ASIC2: variants seen among roughly 807,000 people sequenced by gnomAD.
The protein encoded by ASIC2 is acid-sensing ion channel 2.
In ASIC2, 25 loss-of-function variants were observed where a neutral mutation model predicts 57.3. The observed-to-expected ratio is 0.44, with a 90% CI of 0.32 to 0.61. ASIC2 has a LOEUF of 0.61. Ranked by LOEUF, ASIC2 falls within the 20% of genes least tolerant of loss-of-function variation. The pLI is 0.06. For synonymous variants in ASIC2, 319 were observed against 307.5 expected, an observed-to-expected ratio of 1.04 and a Z score of -0.39; for missense variants, 641 against 738.1, an observed-to-expected ratio of 0.87 and a Z score of 1.52.
At chr17:34,127,162 T>C (rs552329291) in intron 1 of ASIC2, among the ~76,000 whole-genome samples, 2 of 152,220 alleles carry the variant, frequency 1.3e-5, no homozygotes, top group African/African-American at 2.4e-5. Flanking sequence ...TTTTTCGTTA[T>C]GAGTAAGTTT....
chr17:33,505,657 T>G (rs1270062948), intron 1 of ASIC2, among the ~76,000 whole-genome samples: 1 of 152,234 alleles, frequency 6.6e-6, no homozygotes, highest in Non-Finnish European at 1.5e-5. Context: ...AGATTCAACT[T>G]AAGCTTAATC....
intron 2 of ASIC2, among the ~76,000 whole-genome samples, chr17:33,103,839 T>C (rs892890998): frequency 2.0e-5 from 3 of 152,134 alleles, no homozygotes; most frequent in African/African-American, 7.2e-5. Flanking sequence ...TCTCTCCAAG[T>C]CCCGAGTTTG....
At chr17:34,006,570 TTA>T (rs1906532316) in intron 1 of ASIC2, 2 of 152,246 alleles carry the variant, frequency 1.3e-5, no homozygotes, top group African/African-American at 4.8e-5. Context: ...AGAGCCATTG[TTA>T]TCTTATTTTT....
Position 33,350,681 on chromosome 17 carries a change from G to GA in ASIC2, c.556-238615dup, listed in dbSNP as rs907009436. On this transcript the variant is annotated intron_variant, in intron 1 of 9. Coordinates refer to the ASIC2 transcript ENST00000359872. ...TGGGCAACAGAGCGAGACTCTGTGAGAAAAAAAAAGAAAGAAAGAAAGAAA... is the reference window on the plus strand; with the variant it reads ...TGGGCAACAGAGCGAGACTCTGTGAGAAAAAAAAAAGAAAGAAAGAAAGAAA... Among the ~76,000 whole-genome samples the GA allele has an allele frequency of 1.7e-4, 15 of 87,816 alleles. No homozygotes were observed. The Middle Eastern group carries it at 0.015, about 85-fold the overall frequency. The allele number at this position is 87,816 out of a possible 152,430, so 57.6% of individuals were successfully genotyped here. A position where few individuals can be genotyped will look rare whatever the true frequency, so the allele number is the denominator to read the frequency against.
At chr17:34,075,268 C>T (rs1909593094) in intron 1 of ASIC2, among the ~76,000 whole-genome samples, 4 of 152,130 alleles carry the variant, frequency 2.6e-5, no homozygotes, top group Admixed American at 2.0e-4. Flanking sequence ...TGCAGACTCC[C>T]AAGACCTCCC....
At chr17:33,249,096 G>T (rs968261307) in intron 1 of ASIC2, among the ~76,000 whole-genome samples, 1 of 152,154 alleles carries the variant, frequency 6.6e-6, no homozygotes, top group Non-Finnish European at 1.5e-5. Flanking sequence ...TGAAAGGTAA[G>T]GCCAATAGGA....
At chr17:33,400,712 C>A (rs1164586610) in intron 1 of ASIC2, among the ~76,000 whole-genome samples, 1 of 152,178 alleles carries the variant, frequency 6.6e-6, no homozygotes, top group African/African-American at 2.4e-5. Context: ...CTATTCTATG[C>A]AAACCACTGT....
At chr17:33,778,896 G>A (rs556198359) in intron 1 of ASIC2, among the ~76,000 whole-genome samples, 1 of 152,110 alleles carries the variant, frequency 6.6e-6, no homozygotes, top group African/African-American at 2.4e-5. Context: ...GGGGCAGGGC[G>A]CCTAGGGTAT....
intron 1 of ASIC2, among the ~76,000 whole-genome samples, chr17:33,219,716 G>A (rs952958141): frequency 1.3e-5 from 2 of 152,136 alleles, no homozygotes; most frequent in Non-Finnish European, 2.9e-5. Context: ...AAATGGCGTG[G>A]GAATTTTGGC....
At chr17:33,904,305 T>C (rs1268736313) in intron 1 of ASIC2, among the ~76,000 whole-genome samples, 1 of 151,038 alleles carries the variant, frequency 6.6e-6, no homozygotes, top group African/African-American at 2.4e-5. Context: ...TGAGGCCTCA[T>C]CCCAGACCCA....
In ASIC2 at chr17:33,088,905, C is replaced by T. The variant is rs2141965375; in HGVS notation, c.945G>A (p.Val315=). 4 of 1,614,058 alleles carry T rather than the reference C, an allele frequency of 2.5e-6. No individual in the cohort carries two copies. The highest frequency in any genetic ancestry group is 1.7e-4 in the Middle Eastern group (1 of 6,038). Reference sequence around the variant, plus strand: ...CCACAAAGGTCTGGAACCCTGGAGCCACCCCAAAGCCCAGCTCTTGGATGA... The same window carrying T: ...CCACAAAGGTCTGGAACCCTGGAGCTACCCCAAAGCCCAGCTCTTGGATGA... ...PPFIQELGFG[V]APGFQTFVAT... The change falls in exon 3 of 10, where the codon GTG becomes GTA. Residue 315 remains valine (V), a synonymous_variant. Coordinates refer to ENST00000225823, the MANE Select transcript of ASIC2 (RefSeq NM_183377.2).
intron 1 of ASIC2, among the ~76,000 whole-genome samples, chr17:34,114,676 A>G (rs1434468024): frequency 6.6e-6 from 1 of 152,130 alleles, no homozygotes; most frequent in East Asian, 1.9e-4. Context: ...TTCTGTGTTG[A>G]AAACAGTGAG....
intron 1 of ASIC2, among the ~76,000 whole-genome samples, chr17:33,443,705 C>A (rs576271471): frequency 1.3e-5 from 2 of 151,620 alleles, no homozygotes; most frequent in East Asian, 3.9e-4. Context: ...CGTGAGCCAC[C>A]GCGCCCGGCC....
At position 33,505,691 on chromosome 17, in the gene ASIC2, C is replaced by G. The variant is rs529763302; in HGVS notation, c.556-393624G>C. Among the ~76,000 whole-genome samples the G allele has an allele frequency of 2.6e-5, 4 of 152,324 alleles. No homozygotes were observed. In the South Asian group the frequency reaches 8.3e-4, roughly 32 times the overall value. On this transcript the variant is annotated intron_variant, in intron 1 of 9. Coordinates refer to the ASIC2 transcript ENST00000359872. ...TCTATTCCAAGTGAGTTGCAGACATCAAATCTTCTAGCCTCCTAGTCTCAG... is the reference window on the plus strand; with the variant it reads ...TCTATTCCAAGTGAGTTGCAGACATGAAATCTTCTAGCCTCCTAGTCTCAG...
chr17:33,699,360 G>A (rs7216075), intron 1 of ASIC2, among the ~76,000 whole-genome samples: 39,988 of 151,938 alleles, frequency 0.26, 5,387 homozygotes, highest in African/African-American at 0.28. Context: ...AGCCCCTCAT[G>A]TCTCCTTCCC....
At chr17:33,855,716 G>A (rs1567735779) in intron 1 of ASIC2, among the ~76,000 whole-genome samples, 4 of 152,088 alleles carry the variant, frequency 2.6e-5, no homozygotes, top group South Asian at 2.1e-4. Flanking sequence ...TGTGTTTCCT[G>A]ATGCATTCTG....
At chr17:33,753,780 T>C (rs2142106754) in intron 1 of ASIC2, among the ~76,000 whole-genome samples, 1 of 152,332 alleles carries the variant, frequency 6.6e-6, no homozygotes, top group South Asian at 2.1e-4. Flanking sequence ...ACTCAGCTAT[T>C]GTTACAGGTG....
At chr17:33,660,959 C>T (rs1316959735) in intron 1 of ASIC2, among the ~76,000 whole-genome samples, 1 of 152,210 alleles carries the variant, frequency 6.6e-6, no homozygotes, top group Non-Finnish European at 1.5e-5. Flanking sequence ...GCTCCTTAAC[C>T]TTGAGCTCAG....
chr17:33,439,023 T>C (rs201894765), intron 1 of ASIC2, among the ~76,000 whole-genome samples: 2 of 152,132 alleles, frequency 1.3e-5, no homozygotes, highest in Admixed American at 1.3e-4. Context: ...TTTGTATTTT[T>C]AGTAGAGAAG....
Sources: allele counts gnomAD v4.1 joint callset (sites outside exome capture counted in the v4.1 genomes callset), GRCh38; gene constraint gnomAD v4.1.1; transcripts MANE v1.5; gene names NCBI Gene and HGNC (gene_info 2026-07-23, HGNC 2026-07-21).